The following SGMS1 variants were observed in gnomAD, a reference collection of about 807,000 sequenced individuals.
SGMS1 encodes sphingomyelin synthase 1, also known as phosphatidylcholine:ceramide cholinephosphotransferase 1.
SGMS1 carries 13 observed loss-of-function variants against 46.2 expected under a neutral mutation model. The ratio of observed to expected loss-of-function variants is 0.28; its 90% CI spans 0.18 to 0.45. SGMS1 has a LOEUF of 0.45. SGMS1 is among the 20% of genes least tolerant of loss of function. The pLI is 1.00. For missense variants in SGMS1, 324 were observed against 519.9 expected, an observed-to-expected ratio of 0.62 and a Z score of 3.66; for synonymous variants, 203 against 187.8, an observed-to-expected ratio of 1.08 and a Z score of -0.66.
chr10:50,354,661 A>C (rs1036749556), intron 6 of SGMS1, among the ~76,000 whole-genome samples: 4 of 152,220 alleles, frequency 2.6e-5, no homozygotes, highest in Non-Finnish European at 5.9e-5. Context: ...GGCAACCTAC[A>C]GAATGGGAGA....
chr10:50,357,313 T>A (rs1246866196), intron 6 of SGMS1, among the ~76,000 whole-genome samples: 2 of 152,028 alleles, frequency 1.3e-5, no homozygotes, highest in Non-Finnish European at 2.9e-5. Flanking sequence ...GCAATTATTC[T>A]GGTAATGAAA....
intron 3 of SGMS1, among the ~76,000 whole-genome samples, chr10:50,506,434 A>C (rs1272606322): frequency 6.6e-6 from 1 of 152,146 alleles, no homozygotes; most frequent in Non-Finnish European, 1.5e-5. Context: ...GCATTTTTCC[A>C]TGGCATCATC....
At chr10:50,516,161 T>TA (rs572573136) in intron 3 of SGMS1, among the ~76,000 whole-genome samples, 13 of 151,608 alleles carry the variant, frequency 8.6e-5, no homozygotes, top group South Asian at 2.1e-4. Flanking sequence ...GAATAATAAT[T>TA]AAAAAAAAAC....
chr10:50,473,592 C>T (rs1014565916), intron 3 of SGMS1, among the ~76,000 whole-genome samples: 5 of 152,250 alleles, frequency 3.3e-5, no homozygotes, highest in African/African-American at 9.6e-5. Flanking sequence ...TAAAAAACTT[C>T]GAGTTTACTC....
chr10:50,470,034 A>T (rs1170201072), intron 3 of SGMS1, among the ~76,000 whole-genome samples: 2 of 152,218 alleles, frequency 1.3e-5, no homozygotes, highest in African/African-American at 4.8e-5. Flanking sequence ...AGCAACACCG[A>T]AAGACAGTGC....
chr10:50,615,865 A>C (rs1409967571), intron 1 of SGMS1, among the ~76,000 whole-genome samples: 1 of 152,136 alleles, frequency 6.6e-6, no homozygotes, highest in African/African-American at 2.4e-5. Flanking sequence ...CTCTAATTAT[A>C]TACCATCTGT....
At chr10:50,551,561 T>C (rs566441387) in intron 2 of SGMS1, among the ~76,000 whole-genome samples, 1 of 152,106 alleles carries the variant, frequency 6.6e-6, no homozygotes, top group South Asian at 2.1e-4. Flanking sequence ...GGATCATTAG[T>C]TATGAGGAAT....
chr10:50,412,954 C>T (rs1350143914), intron 6 of SGMS1, among the ~76,000 whole-genome samples: 2 of 152,096 alleles, frequency 1.3e-5, no homozygotes, highest in South Asian at 2.1e-4. Flanking sequence ...TTTACTTCTC[C>T]TAAGATTTAT....
intron 2 of SGMS1, among the ~76,000 whole-genome samples, chr10:50,588,633 G>C (rs749078841): frequency 1.4e-4 from 21 of 151,068 alleles, no homozygotes; most frequent in Non-Finnish European, 3.1e-4. Context: ...CACAGTACCA[G>C]TCATATTCTT....
intron 6 of SGMS1, among the ~76,000 whole-genome samples, chr10:50,426,164 C>A (rs1011718106): frequency 6.6e-5 from 10 of 152,074 alleles, no homozygotes; most frequent in African/African-American, 2.4e-4. Flanking sequence ...AAAAGATTCA[C>A]CAAAATGTTA....
intron 6 of SGMS1, among the ~76,000 whole-genome samples, chr10:50,375,885 T>TG (rs1388797287): frequency 6.6e-6 from 1 of 152,052 alleles, no homozygotes; most frequent in Non-Finnish European, 1.5e-5. Context: ...TTTTAAGAGA[T>TG]GGGGTCTCAC....
At chr10:50,405,983 G>A (rs1849008745) in intron 6 of SGMS1, among the ~76,000 whole-genome samples, 1 of 152,122 alleles carries the variant, frequency 6.6e-6, no homozygotes, top group South Asian at 2.1e-4. Flanking sequence ...TAAGGAAAAT[G>A]ATGAAGTACT....
At chr10:50,599,798 G>C (rs1838632345) in intron 1 of SGMS1, among the ~76,000 whole-genome samples, 1 of 152,132 alleles carries the variant, frequency 6.6e-6, no homozygotes, top group African/African-American at 2.4e-5. Context: ...AGGAGTCAGA[G>C]GTTGCAGTGA....
In SGMS1 at chr10:50,327,304, T is replaced by C; in HGVS notation, c.642A>G (p.Arg214=). 6.2e-7 allele frequency: 1 copy of C among 1,603,740 alleles called. No homozygotes were observed. The highest frequency in any genetic ancestry group is 8.5e-7 in the Non-Finnish European group (1 of 1,173,106). The change falls in exon 8 of 11, where the codon AGA becomes AGG. Residue 214 remains arginine (R), a synonymous_variant. Transcript: ENST00000361781. ...ACAGCGTGCCAACTATGCAGAAAAA[T>C]CTTCTGCTAATAATAGACCTAGAAA... ...LLKYKSIISR[R]FFCIVGTLYL...
At chr10:50,319,192 C>T (rs913884712) in intron 8 of SGMS1, among the ~76,000 whole-genome samples, 17 of 148,424 alleles carry the variant, frequency 1.1e-4, no homozygotes, top group African/African-American at 3.5e-4. Context: ...TTGCCCTTGG[C>T]TTTTTAGTTT....
At chr10:50,569,642 C>G (rs1838320360) in intron 2 of SGMS1, among the ~76,000 whole-genome samples, 1 of 152,132 alleles carries the variant, frequency 6.6e-6, no homozygotes, top group African/African-American at 2.4e-5. Context: ...GGTATGTCAT[C>G]TCTAGAAAGA....
intron 3 of SGMS1, among the ~76,000 whole-genome samples, chr10:50,478,113 A>G (rs907765997): frequency 2.0e-5 from 3 of 152,208 alleles, no homozygotes; most frequent in African/African-American, 7.2e-5. Context: ...TTGAATTCCA[A>G]CTGCATAGAT....
chr10:50,489,725 C>T (rs1837552150), intron 3 of SGMS1, among the ~76,000 whole-genome samples: 2 of 152,152 alleles, frequency 1.3e-5, no homozygotes, highest in Admixed American at 1.3e-4. Context: ...CCTGTAATCC[C>T]AGCACTTTGG....
chr10:50,471,658 G>A (rs1253920060), intron 3 of SGMS1, among the ~76,000 whole-genome samples: 1 of 152,102 alleles, frequency 6.6e-6, no homozygotes, highest in Non-Finnish European at 1.5e-5. Flanking sequence ...CTCAATCCCT[G>A]TTTTAGCCTT....
Sources: allele counts gnomAD v4.1 joint callset (sites outside exome capture counted in the v4.1 genomes callset), GRCh38; gene constraint gnomAD v4.1.1; transcripts MANE v1.5; gene names NCBI Gene and HGNC (gene_info 2026-07-23, HGNC 2026-07-21).